The following TTC28 variants were observed in gnomAD, a reference collection of about 807,000 sequenced individuals.
TTC28 encodes tetratricopeptide repeat domain 28.
TTC28 carries 61 observed loss-of-function variants against 198.0 expected under a neutral mutation model. The ratio of observed to expected loss-of-function variants is 0.31; its 90% CI spans 0.25 to 0.38. The LOEUF is 0.38. Among genes scored for constraint, TTC28 ranks in the 10% least tolerant of loss-of-function variants. The pLI is 1.00. For synonymous variants in TTC28, 1,171 were observed against 1,297.8 expected, an observed-to-expected ratio of 0.90 and a Z score of 2.10; for missense variants, 2,678 against 3,164.0, an observed-to-expected ratio of 0.85 and a Z score of 3.69.
At chr22:28,123,021 T>C (rs1443363957) in intron 6 of TTC28, among the ~76,000 whole-genome samples, 2 of 152,298 alleles carry the variant, frequency 1.3e-5, no homozygotes, top group African/African-American at 2.4e-5. Flanking sequence ...ACACATCTTC[T>C]GGTACTAACA....
intron 2 of TTC28, among the ~76,000 whole-genome samples, chr22:28,624,844 G>A (rs915506575): frequency 6.6e-6 from 1 of 151,966 alleles, no homozygotes; most frequent in Non-Finnish European, 1.5e-5. Context: ...AATTCTTCAC[G>A]AAATTTTAGC....
chr22:27,996,319 G>A lies in TTC28; in HGVS notation c.5120-60C>T, dbSNP rs185606237. 1,280 of 1,526,070 alleles carry A rather than the reference G, an allele frequency of 8.4e-4. 11 individuals carry two copies. In the Middle Eastern group the frequency reaches 8.4e-3, roughly 10 times the overall value. 94.5% of individuals were successfully genotyped at this position (1,526,070 alleles called of 1,614,324 possible). On this transcript the variant is annotated intron_variant, in intron 16 of 22. Coordinates refer to ENST00000397906, the MANE Select transcript of TTC28 (RefSeq NM_001145418.2). ...AGCTGGAGACCCCCAGCCCCACCCC[G>A]GCTTCCAGGGCTCACTTACGCCTCG...
intron 2 of TTC28, among the ~76,000 whole-genome samples, chr22:28,499,109 T>C (rs1012470968): frequency 6.6e-6 from 1 of 152,080 alleles, no homozygotes; most frequent in Non-Finnish European, 1.5e-5. Context: ...GCCTGGGAAG[T>C]TGAAGCTGCA....
chr22:28,079,003 G>C (rs991891217), intron 12 of TTC28, among the ~76,000 whole-genome samples: 1 of 152,188 alleles, frequency 6.6e-6, no homozygotes, highest in Non-Finnish European at 1.5e-5. Context: ...CTAAGCTGAA[G>C]AAGGGTTATA....
At chr22:28,409,924 A>G (rs1237146955) in intron 2 of TTC28, among the ~76,000 whole-genome samples, 2 of 17,152 alleles carry the variant, frequency 1.2e-4, no homozygotes, top group Non-Finnish European at 2.0e-4. Context: ...CCAAAGTGCT[A>G]AGTGTTTTTT....
intron 4 of TTC28, among the ~76,000 whole-genome samples, chr22:28,297,319 C>T (rs779000266): frequency 3.3e-5 from 5 of 151,896 alleles, no homozygotes; most frequent in Non-Finnish European, 7.4e-5. Context: ...TCAGGCAATC[C>T]TCCCACCTTG....
At chr22:28,091,341 T>C (rs1157717936) in intron 12 of TTC28, among the ~76,000 whole-genome samples, 1 of 152,106 alleles carries the variant, frequency 6.6e-6, no homozygotes, top group African/African-American at 2.4e-5. Flanking sequence ...ATCTGGAAAT[T>C]TGGATTAGGT....
At chr22:28,238,520 G>C (rs918787844) in intron 5 of TTC28, among the ~76,000 whole-genome samples, 1 of 152,124 alleles carries the variant, frequency 6.6e-6, no homozygotes, top group African/African-American at 2.4e-5. Context: ...GTACTTGTCT[G>C]TTAATTCCAT....
Position 28,306,599 on chromosome 22 carries a change from A to C in TTC28, c.426T>G (p.His142Gln), listed in dbSNP as rs2045150598. 6.4e-7 allele frequency: 1 copy of C among 1,551,666 alleles called. No homozygotes were observed. The highest frequency in any genetic ancestry group is 2.4e-5 in the East Asian group (1 of 40,912). Residue 142 changes from histidine (H) to glutamine (Q), a missense_variant, in exon 3 of 23, where the codon CAT (histidine) becomes CAG (glutamine). Around this residue, in one of 8 missense-constraint regions of TTC28, gnomAD observed 176 missense variants for 197.9 expected, o/e 0.89. Coordinates refer to ENST00000397906, the MANE Select transcript of TTC28 (RefSeq NM_001145418.2). The part of the protein sequence containing the change: ...QGVALQYLGR[H>Q]ADALAAFASG... ...ATGCAAAGGCTGCCAGGGCATCGGC[A>C]TGACGTCCAAGGTACTGGAGGGCAA...
At chr22:28,634,484 C>A (rs947572193) in intron 1 of TTC28, among the ~76,000 whole-genome samples, 4 of 134,042 alleles carry the variant, frequency 3.0e-5, no homozygotes, top group African/African-American at 1.1e-4. Context: ...TCCAGCCTGG[C>A]GACTAAGCGA....
chr22:28,436,880 T>C (rs1247728730), intron 2 of TTC28, among the ~76,000 whole-genome samples: 1 of 152,240 alleles, frequency 6.6e-6, no homozygotes, highest in African/African-American at 2.4e-5. Context: ...GTCTTCTTTT[T>C]CATCTTCTTC....
rs1266683600 is a variant in TTC28 at position 28,005,039 on chromosome 22, G to A, written c.4219-3486C>T. Among the ~76,000 whole-genome samples the A allele has an allele frequency of 6.6e-6, 1 of 152,168 alleles. No individual in the cohort carries two copies. The highest frequency in any genetic ancestry group is 2.4e-5 in the African/African-American group (1 of 41,420). On this transcript the variant is annotated intron_variant, in intron 14 of 22. Transcript: ENST00000397906. The surrounding 1 kb of genome is among the most constrained non-coding windows in gnomAD (Gnocchi z 4.9). ...AGAGTCTCCAACAGATTCCATCAAA[G>A]ACTCAGATGTTCTGACCTCTGCAGT... is the stretch of plus-strand genomic sequence containing the variant.
intron 5 of TTC28, among the ~76,000 whole-genome samples, chr22:28,273,791 C>T (rs1932242663): frequency 6.6e-6 from 1 of 152,102 alleles, no homozygotes; most frequent in African/African-American, 2.4e-5. Flanking sequence ...ACCACACCTA[C>T]ACTATTTTAC....
chr22:28,517,133 T>A (rs1310330353), intron 2 of TTC28, among the ~76,000 whole-genome samples: 2 of 152,148 alleles, frequency 1.3e-5, no homozygotes, highest in Non-Finnish European at 2.9e-5. Flanking sequence ...TATATCAGAC[T>A]GATCAAATTG....
At chr22:28,329,669 T>G (rs887415872) in intron 2 of TTC28, among the ~76,000 whole-genome samples, 3 of 152,180 alleles carry the variant, frequency 2.0e-5, no homozygotes, top group Non-Finnish European at 4.4e-5. Context: ...TTTCCCATTT[T>G]CTTTCTCTGT....
At chr22:28,565,010 T>A (rs562621255) in intron 2 of TTC28, among the ~76,000 whole-genome samples, 13 of 151,682 alleles carry the variant, frequency 8.6e-5, no homozygotes, top group African/African-American at 2.9e-4. Flanking sequence ...GGAAGGGAAG[T>A]TGACCAATAG....
intron 2 of TTC28, among the ~76,000 whole-genome samples, chr22:28,418,584 T>C (rs1306665512): frequency 6.6e-6 from 1 of 152,204 alleles, no homozygotes; most frequent in Admixed American, 6.5e-5. Flanking sequence ...GAGCTTCATA[T>C]ACTGACTGGA....
chr22:27,999,342 C>G, intron 15 of TTC28, 82 bp from the exon 16 acceptor site: 1 of 1,463,060 alleles, frequency 6.8e-7, no homozygotes, highest in African/African-American at 1.4e-5. Flanking sequence ...AGCACAGGGA[C>G]GGCCAGCTCT....
At position 27,979,516 on chromosome 22, in the gene TTC28, T is replaced by G. The variant is rs563859816; in HGVS notation, c.*2705A>C. 3.3e-5 allele frequency: 5 copies of G among 151,134 alleles called. No individual in the cohort carries two copies. Among genetic ancestry groups the G allele is most frequent in the African/African-American group, 1.2e-4 (5 of 41,074 alleles). The allele number at this position is 151,134 out of a possible 1,614,324, so 9.4% of individuals were successfully genotyped here. A position where few individuals can be genotyped will look rare whatever the true frequency, so the allele number is the denominator to read the frequency against. ...AAAAGGCCAGGTATTGAATATTTTA[T>G]GTGGTGTGGGCCAAAGGCAAAATCA... is the stretch of plus-strand genomic sequence containing the variant. On this transcript the variant is annotated 3_prime_UTR_variant, in exon 23 of 23. Transcript: ENST00000397906.
Sources: allele counts gnomAD v4.1 joint callset (sites outside exome capture counted in the v4.1 genomes callset), GRCh38; gene constraint gnomAD v4.1.1; regional missense constraint gnomAD v4.1.1; non-coding constraint Gnocchi (gnomAD v3.1); transcripts MANE v1.5; gene names NCBI Gene and HGNC (gene_info 2026-07-23, HGNC 2026-07-21).